TMF1: variants seen among roughly 807,000 people sequenced by gnomAD.
TMF1 encodes the protein TATA element modulatory factor 1.
TMF1 carries 71 observed loss-of-function variants against 126.5 expected under a neutral mutation model. The ratio of observed to expected loss-of-function variants is 0.56; its 90% confidence interval spans 0.46 to 0.68. TMF1 has a LOEUF of 0.68. Among genes scored for constraint, TMF1 ranks in the 30% least tolerant of loss-of-function variants. The probability of loss-of-function intolerance (pLI) is 0.00; values close to 1 mark genes in which losing one functional copy is unlikely to be tolerated. For missense variants in TMF1, 1,259 were observed against 1,253.2 expected, an observed-to-expected ratio of 1.00 and a Z score of -0.07; for synonymous variants, 461 against 430.5, an observed-to-expected ratio of 1.07 and a Z score of -0.88.
intron 1 of TMF1, 80 bp downstream of exon 1, chr3:69,051,865 C>T: frequency 6.7e-7 from 1 of 1,497,702 alleles, no homozygotes; most frequent in Non-Finnish European, 9.0e-7. Flanking sequence ...GGAAGGACCC[C>T]TCTCTACACC....
chr3:69,027,199 T>A (rs1482032188), intron 13 of TMF1, among the ~76,000 whole-genome samples: 1 of 152,158 alleles, frequency 6.6e-6, no homozygotes, highest in African/African-American at 2.4e-5. Flanking sequence ...TTTTGCCATG[T>A]TGGCCAGGCT....
intron 1 of TMF1, 83 bp downstream of exon 1, chr3:69,051,862 C>T (rs1293253813): frequency 1.4e-6 from 2 of 1,460,584 alleles, no homozygotes; most frequent in Middle Eastern, 1.8e-4. Flanking sequence ...CAAGGAAGGA[C>T]CCCTCTCTAC....
chr3:69,045,123 G>A (rs142512023), intron 2 of TMF1, among the ~76,000 whole-genome samples: 20 of 152,246 alleles, frequency 1.3e-4, no homozygotes, highest in African/African-American at 4.3e-4. Flanking sequence ...TTCTTTACCC[G>A]AAACACATAC....
chr3:69,036,278 G>A (rs1252949969), intron 8 of TMF1, among the ~76,000 whole-genome samples: 1 of 150,078 alleles, frequency 6.7e-6, no homozygotes, highest in Non-Finnish European at 1.5e-5. Context: ...GATAGAAATA[G>A]GTGTATAATC....
At chr3:69,038,264 T>C (rs553574462) in intron 8 of TMF1, among the ~76,000 whole-genome samples, 1 of 152,352 alleles carries the variant, frequency 6.6e-6, no homozygotes, top group African/African-American at 2.4e-5. Flanking sequence ...AAATGGATTC[T>C]CTCAAAATTA....
intron 1 of TMF1, 87 bp downstream of exon 1, chr3:69,051,858 A>G: frequency 7.0e-7 from 1 of 1,433,480 alleles, no homozygotes; most frequent in Non-Finnish European, 9.4e-7. Flanking sequence ...TCAGCAAGGA[A>G]GGACCCCTCT....
chr3:69,047,769 T>C lies in TMF1; in HGVS notation c.936A>G (p.Lys312=), dbSNP rs776112655. ...CAGATGAACAGCAACTCTCAGTGAG[T>C]TTTTGGAAATCATCTAAACGATTAT... ...PEYNRLDDFQ[K]LTESCCSSDA... Residue 312 remains lysine (K), a synonymous_variant, in exon 2 of 17, where the codon AAA becomes AAG. Coordinates refer to ENST00000398559, the MANE Select transcript of TMF1 (RefSeq NM_007114.3). The C allele has an allele frequency of 1.2e-6, 2 of 1,614,008 alleles. No individual in the cohort carries two copies. Among genetic ancestry groups the C allele is most frequent in the Non-Finnish European group, 1.7e-6 (2 of 1,180,014 alleles).
chr3:69,024,153 G>A lies in TMF1; in HGVS notation c.3040C>T (p.Arg1014Ter). 3 of 1,605,652 alleles carry A rather than the reference G, an allele frequency of 1.9e-6. No individual in the cohort carries two copies. The highest frequency in any genetic ancestry group is 2.5e-6 in the Non-Finnish European group (3 of 1,176,906). Residue 1014 changes from arginine (R) to a stop codon, truncating the protein, a stop_gained, in exon 16 of 17, where the codon CGA becomes TGA. Coordinates refer to ENST00000398559, the MANE Select transcript of TMF1 (RefSeq NM_007114.3). LOFTEE classifies it high-confidence loss of function. Reference sequence around the variant, plus strand: ...ACTAGTTCTTCAGCCATTATTGATCGAGTTTTTTCTAGATTGCCAATTTCT... The same window carrying A: ...ACTAGTTCTTCAGCCATTATTGATCAAGTTTTTTCTAGATTGCCAATTTCT... Reference protein sequence around the residue: ...QLEIGNLEKTRSIMAEELVKL... With the variant: ...QLEIGNLEKT
chr3:69,027,082 G>A (rs1480684726), intron 13 of TMF1, among the ~76,000 whole-genome samples: 1 of 151,914 alleles, frequency 6.6e-6, no homozygotes, highest in Non-Finnish European at 1.5e-5. Context: ...TGCAGCCTCC[G>A]CCTCCCGGGT....
At chr3:69,051,247 T>C (rs1162016528) in intron 1 of TMF1, among the ~76,000 whole-genome samples, 1 of 152,006 alleles carries the variant, frequency 6.6e-6, no homozygotes, top group African/African-American at 2.4e-5. Context: ...GAGGCCGAGG[T>C]GGGTGGATCG....
intron 8 of TMF1, 101 bp from the exon 9 acceptor site, chr3:69,035,216 T>C: frequency 1.1e-6 from 1 of 871,086 alleles, no homozygotes; most frequent in South Asian, 1.6e-5. Flanking sequence ...TGTTCATGTA[T>C]ACTATTTCAT....
In TMF1 at chr3:69,029,985, T is replaced by A. The variant is rs200330868; in HGVS notation, c.2424A>T (p.Ala808=). 10 of 1,613,826 alleles carry A rather than the reference T, an allele frequency of 6.2e-6. No individual in the cohort carries two copies. The South Asian group carries it at 9.9e-5, about 16-fold the overall frequency. Residue 808 remains alanine, a synonymous_variant, in exon 11 of 17, where the codon GCA becomes GCT. Coordinates refer to ENST00000398559, the MANE Select transcript of TMF1 (RefSeq NM_007114.3). ...DRLGESQTLL[A]AAVERERAAT... is the part of the protein sequence containing the mutation. ...CTGCACGTTCTCTCTCAACTGCTGC[T>A]GCCAGCAAGGTCTGGGATTCACCTG...
At chr3:69,038,768 T>C in intron 7 of TMF1, 48 bp from the exon 8 acceptor site, 1 of 1,588,760 alleles carries the variant, frequency 6.3e-7, no homozygotes. Flanking sequence ...GATCAGATAA[T>C]AGAAAAAGTA....
chr3:69,050,522 G>A (rs1286248382), intron 1 of TMF1, among the ~76,000 whole-genome samples: 1 of 152,080 alleles, frequency 6.6e-6, no homozygotes, highest in Non-Finnish European at 1.5e-5. Context: ...TAATCCCAGG[G>A]TTATTTGGTA....
chr3:69,044,464 A>C, intron 3 of TMF1, 28 bp downstream of exon 3: 1 of 1,249,584 alleles, frequency 8.0e-7, no homozygotes, highest in Admixed American at 2.2e-5. Flanking sequence ...AAAATGTGTA[A>C]CATTATTCAC....
At chr3:69,028,143 C>A in intron 12 of TMF1, 83 bp downstream of exon 12, 1 of 1,277,314 alleles carries the variant, frequency 7.8e-7, no homozygotes, top group Non-Finnish European at 1.1e-6. Flanking sequence ...CCCATTTCAT[C>A]TTGTTATCTC....
chr3:69,049,948 T>C (rs2091916841), intron 1 of TMF1, among the ~76,000 whole-genome samples: 2 of 152,184 alleles, frequency 1.3e-5, no homozygotes, highest in South Asian at 2.1e-4. Context: ...TCAAGCCTTA[T>C]AGTAGAATCT....
Position 69,038,969 on chromosome 3 carries a change from T to C in TMF1, c.1868A>G (p.Glu623Gly). 6.2e-7 allele frequency: 1 copy of C among 1,608,016 alleles called. No individual in the cohort carries two copies. Among genetic ancestry groups the C allele is most frequent in the Non-Finnish European group, 8.5e-7 (1 of 1,177,736 alleles). ...GKEEVEKQHR[E>G]NIKKLNSMVE... ...CATGGAATTTAGTTTTTTAATATTTTCTCTATGTTGTTTCTCAACCTCTTC... is the reference window on the plus strand; with the variant it reads ...CATGGAATTTAGTTTTTTAATATTTCCTCTATGTTGTTTCTCAACCTCTTC... Residue 623 changes from glutamate (E) to glycine (G), a missense_variant, in exon 7 of 17, where the codon GAA becomes GGA. Transcript: ENST00000398559.
rs763460465 is a variant in TMF1 at position 69,045,960 on chromosome 3, G to C, written c.1348-1365C>G. Among the ~76,000 whole-genome samples, 190 of 151,940 alleles carry C rather than the reference G, an allele frequency of 1.3e-3. 1 individual carries two copies. The highest frequency in any genetic ancestry group is 1.8e-3 in the Non-Finnish European group (119 of 67,940). ...GGTCCCAGCTACTAGAGCGGATTAG[G>C]TGGGAGGACTGCTTGAGCCCAGGAG... is the stretch of plus-strand genomic sequence containing the variant. On this transcript the variant is annotated intron_variant, in intron 2 of 16. Transcript: ENST00000398559.
Sources: gnomAD v4.1 joint callset for allele counts (sites outside exome capture counted in the v4.1 genomes callset) on GRCh38, gnomAD v4.1.1 for gene constraint, MANE v1.5 for transcripts, NCBI Gene and HGNC (gene_info 2026-07-23, HGNC 2026-07-21) for gene names.